ATRNL1: variants seen among roughly 807,000 people sequenced by gnomAD.
ATRNL1 encodes the protein attractin like 1.
ATRNL1 carries 95 observed loss-of-function variants against 182.7 expected under a neutral mutation model. The ratio of observed to expected loss-of-function variants is 0.52; its 90% CI spans 0.44 to 0.62. The LOEUF is 0.62. Among genes scored for constraint, ATRNL1 ranks in the 20% least tolerant of loss-of-function variants. The probability of loss-of-function intolerance (pLI) is 0.00; values close to 1 mark genes in which losing one functional copy is unlikely to be tolerated. For synonymous variants in ATRNL1, 576 were observed against 568.3 expected, an observed-to-expected ratio of 1.01 and a Z score of -0.19; for missense variants, 1,471 against 1,679.5, an observed-to-expected ratio of 0.88 and a Z score of 2.17.
Position 115,549,474 on chromosome 10 carries a change from T to C in ATRNL1, c.3733T>C (p.Leu1245=). 6.2e-7 allele frequency: 1 copy of C among 1,601,936 alleles called. No homozygotes were observed. The highest frequency in any genetic ancestry group is 1.7e-4 in the Middle Eastern group (1 of 5,940). Residue 1245 remains leucine (L), a synonymous_variant, in exon 26 of 29, where the codon TTG becomes CTG. Transcript: ENST00000355044. ...ATTTTCCAGTTGTTTCCTATCCTTATTGCTGGTGGCTGCTGTGGTATGGAA... is the reference window on the plus strand; with the variant it reads ...ATTTTCCAGTTGTTTCCTATCCTTACTGCTGGTGGCTGCTGTGGTATGGAA... ...VTFFSCFLSL[L]LVAAVVWKIK... is the part of the protein sequence containing the mutation.
chr10:115,587,821 A>G (rs1565191428), intron 26 of ATRNL1, among the ~76,000 whole-genome samples: 1 of 150,824 alleles, frequency 6.6e-6, no homozygotes, highest in Non-Finnish European at 1.5e-5. Flanking sequence ...TTTAAAGTAG[A>G]TGTAAAAATA....
intron 26 of ATRNL1, among the ~76,000 whole-genome samples, chr10:115,642,588 T>G (rs1555030843): frequency 6.6e-6 from 1 of 151,944 alleles, no homozygotes; most frequent in African/African-American, 2.4e-5. Flanking sequence ...GGGTTACAGG[T>G]GCCCACCAAC....
At chr10:115,188,446 G>A (rs1848041659) in intron 8 of ATRNL1, among the ~76,000 whole-genome samples, 1 of 152,038 alleles carries the variant, frequency 6.6e-6, no homozygotes, top group African/African-American at 2.4e-5. Context: ...GGACCATAAA[G>A]CTCTTCTGGG....
chr10:115,160,908 C>T (rs781978626), intron 6 of ATRNL1, among the ~76,000 whole-genome samples: 1 of 151,792 alleles, frequency 6.6e-6, no homozygotes, highest in Non-Finnish European at 1.5e-5. Flanking sequence ...AGAACTTGCC[C>T]TGGACAGTAT....
chr10:115,267,762 C>A (rs114355555), intron 12 of ATRNL1, among the ~76,000 whole-genome samples: 1 of 151,796 alleles, frequency 6.6e-6, no homozygotes, highest in Admixed American at 6.6e-5. Flanking sequence ...CTCTAAAATA[C>A]GTAAATTTAT....
At chr10:115,195,845 T>G (rs139154493) in intron 8 of ATRNL1, among the ~76,000 whole-genome samples, 130 of 152,208 alleles carry the variant, frequency 8.5e-4, no homozygotes, top group African/African-American at 3.1e-3. Flanking sequence ...ATGTCTGTAC[T>G]TTTTGTATTC....
intron 27 of ATRNL1, among the ~76,000 whole-genome samples, chr10:115,736,101 G>GTTCTAAA (rs1947942230): frequency 6.6e-6 from 1 of 151,698 alleles, no homozygotes; most frequent in East Asian, 1.9e-4. Context: ...CTAAGTTATT[G>GTTCTAAA]AGTCATTATC....
At chr10:115,733,098 T>C (rs1432887290) in intron 27 of ATRNL1, among the ~76,000 whole-genome samples, 1 of 152,142 alleles carries the variant, frequency 6.6e-6, no homozygotes, top group African/African-American at 2.4e-5. Flanking sequence ...GCTAATAAAG[T>C]AACAGTTCTG....
chr10:115,668,245 G>C (rs1861115247), intron 26 of ATRNL1, among the ~76,000 whole-genome samples: 1 of 152,078 alleles, frequency 6.6e-6, no homozygotes, highest in Admixed American at 6.6e-5. Context: ...ATTACACCTT[G>C]TGAATTTCCT....
At chr10:115,155,662 A>G (rs1846478109) in intron 5 of ATRNL1, among the ~76,000 whole-genome samples, 1 of 152,182 alleles carries the variant, frequency 6.6e-6, no homozygotes, top group Non-Finnish European at 1.5e-5. Context: ...TACTGAGGCT[A>G]ATCATTAGTA....
intron 27 of ATRNL1, among the ~76,000 whole-genome samples, chr10:115,831,789 T>A (rs950097310): frequency 1.3e-5 from 2 of 151,566 alleles, no homozygotes; most frequent in Non-Finnish European, 2.9e-5. Flanking sequence ...CAAGTGAGAT[T>A]TTTAAAAAGC....
intron 27 of ATRNL1, among the ~76,000 whole-genome samples, chr10:115,791,118 T>C (rs1391939143): frequency 6.6e-6 from 1 of 152,130 alleles, no homozygotes. Flanking sequence ...CTGAAAATCT[T>C]TTCTCCCCCA....
At chr10:115,198,788 C>T (rs1167959378) in intron 8 of ATRNL1, among the ~76,000 whole-genome samples, 1 of 152,116 alleles carries the variant, frequency 6.6e-6, no homozygotes, top group Non-Finnish European at 1.5e-5. Context: ...TGTGTTTAGG[C>T]ATCTTCATCA....
At chr10:115,297,618 T>C (rs888942925) in intron 15 of ATRNL1, among the ~76,000 whole-genome samples, 1 of 136,932 alleles carries the variant, frequency 7.3e-6, no homozygotes, top group East Asian at 2.2e-4. Context: ...GCCACTGCAC[T>C]CCAGTCTGGG....
chr10:115,229,295 T>C (rs1849828362), intron 9 of ATRNL1, among the ~76,000 whole-genome samples: 1 of 151,260 alleles, frequency 6.6e-6, no homozygotes, highest in Non-Finnish European at 1.5e-5. Context: ...TGTTATGAAA[T>C]TATTTTTTTT....
At chr10:115,500,834 C>A (rs1849791908) in intron 24 of ATRNL1, among the ~76,000 whole-genome samples, 1 of 151,472 alleles carries the variant, frequency 6.6e-6, no homozygotes, top group Admixed American at 6.6e-5. Context: ...AACCACCACG[C>A]CTGGCCCAAA....
chr10:115,550,003 A>G (rs1362800928), intron 26 of ATRNL1, among the ~76,000 whole-genome samples: 1 of 151,936 alleles, frequency 6.6e-6, no homozygotes, highest in African/African-American at 2.4e-5. Context: ...TGATTATCTA[A>G]TAATCCAACT....
At chr10:115,821,449 G>A (rs2960671) in intron 27 of ATRNL1, among the ~76,000 whole-genome samples, 111,593 of 151,948 alleles carry the variant, frequency 0.73, 41,046 homozygotes, top group Admixed American at 0.8. Context: ...TTAACCTTAA[G>A]TGTAAACGGG....
intron 19 of ATRNL1, among the ~76,000 whole-genome samples, chr10:115,384,736 G>T (rs1554952162): frequency 6.6e-6 from 1 of 151,736 alleles, no homozygotes; most frequent in Non-Finnish European, 1.5e-5. Context: ...TTGGCTCATG[G>T]GCTATAGTTT....
Sources: allele counts gnomAD v4.1 joint callset (sites outside exome capture counted in the v4.1 genomes callset), GRCh38; gene constraint gnomAD v4.1.1; transcripts MANE v1.5; gene names NCBI Gene and HGNC (gene_info 2026-07-23, HGNC 2026-07-21).